SIAH3: variants seen among roughly 807,000 people sequenced by gnomAD.
The protein encoded by SIAH3 is seven in absentia homolog 3.
A neutral mutation model predicts 12.6 loss-of-function variants in SIAH3; 9 were observed. The observed-to-expected ratio is 0.72, with a 90% CI of 0.43 to 1.25. The LOEUF is 1.25. SIAH3 is among the 50% of genes most tolerant of loss of function. The pLI is 0.00. For missense variants in SIAH3, 390 were observed against 365.4 expected, an observed-to-expected ratio of 1.07 and a Z score of -0.55; for synonymous variants, 154 against 151.1, an observed-to-expected ratio of 1.02 and a Z score of -0.14.
chr13:45,799,544 G>A (rs1310340442), intron 1 of SIAH3, among the ~76,000 whole-genome samples: 5 of 152,156 alleles, frequency 3.3e-5, no homozygotes, highest in Non-Finnish European at 7.3e-5. Context: ...GCCTCCAGGA[G>A]GTGGGTATCA....
intron 1 of SIAH3, among the ~76,000 whole-genome samples, chr13:45,788,290 A>T (rs1950534540): frequency 6.6e-6 from 1 of 152,240 alleles, no homozygotes. Context: ...ATGAATTCCA[A>T]TCTTCCCATC....
chr13:45,847,277 C>A (rs1950763563), intron 1 of SIAH3, among the ~76,000 whole-genome samples: 2 of 152,222 alleles, frequency 1.3e-5, no homozygotes, highest in South Asian at 4.1e-4. Flanking sequence ...AATCTCTAGA[C>A]AATGCTCAGG....
intron 1 of SIAH3, among the ~76,000 whole-genome samples, chr13:45,821,983 G>A (rs73472516): frequency 0.085 from 12,893 of 152,206 alleles, 684 homozygotes; most frequent in East Asian, 0.2. Flanking sequence ...ATCAGTGGCC[G>A]TTGTAGGGAA....
At chr13:45,802,261 G>T (rs997354481) in intron 1 of SIAH3, among the ~76,000 whole-genome samples, 1 of 152,168 alleles carries the variant, frequency 6.6e-6, no homozygotes, top group African/African-American at 2.4e-5. Flanking sequence ...AGCCAAGATT[G>T]TGCCACTGCT....
In SIAH3 at chr13:45,795,040, T is replaced by C. The variant is rs1048052644; in HGVS notation, c.136-10983A>G. Among the ~76,000 whole-genome samples, 4 of 152,326 alleles carry C rather than the reference T, an allele frequency of 2.6e-5. No individual in the cohort carries two copies. In the South Asian group the frequency reaches 8.3e-4, roughly 32 times the overall value. On this transcript the variant is annotated intron_variant, in intron 1 of 1. Coordinates refer to ENST00000400405, the MANE Select transcript of SIAH3 (RefSeq NM_198849.3). ...CTCTCCTTTTTTAAAAAAACTTATT[T>C]TGATCTTTCCATAGATAACCAGTAG...
intron 1 of SIAH3, among the ~76,000 whole-genome samples, chr13:45,814,850 G>A (rs1251644977): frequency 6.6e-6 from 1 of 152,072 alleles, no homozygotes; most frequent in Non-Finnish European, 1.5e-5. Context: ...GGCCTCCAGA[G>A]TAGCTGGGAT....
At chr13:45,823,958 A>G (rs547896760) in intron 1 of SIAH3, among the ~76,000 whole-genome samples, 35 of 152,336 alleles carry the variant, frequency 2.3e-4, no homozygotes, top group African/African-American at 8.2e-4. Flanking sequence ...TCAAGGGTAC[A>G]TGTGCAGGCT....
At chr13:45,795,734 A>G (rs1029122423) in intron 1 of SIAH3, among the ~76,000 whole-genome samples, 1 of 152,170 alleles carries the variant, frequency 6.6e-6, no homozygotes, top group African/African-American at 2.4e-5. Context: ...GTTATAATCA[A>G]TACCTGACAA....
At chr13:45,850,608 C>G (rs1950777161) in intron 1 of SIAH3, among the ~76,000 whole-genome samples, 1 of 152,136 alleles carries the variant, frequency 6.6e-6, no homozygotes, top group Admixed American at 6.5e-5. Flanking sequence ...TTCCCCTCCT[C>G]CCTACTACCC....
At chr13:45,826,207 T>A (rs1992008) in intron 1 of SIAH3, among the ~76,000 whole-genome samples, 16,804 of 152,186 alleles carry the variant, frequency 0.11, 1,372 homozygotes, top group African/African-American at 0.22. Flanking sequence ...ATCATTTTCT[T>A]CTTCTCTGGG....
At chr13:45,839,363 C>T (rs1328788210) in intron 1 of SIAH3, among the ~76,000 whole-genome samples, 2 of 151,974 alleles carry the variant, frequency 1.3e-5, no homozygotes, top group African/African-American at 4.8e-5. Flanking sequence ...ATCATATGGC[C>T]CAGATTTGGA....
At chr13:45,810,451 C>T (rs73173790) in intron 1 of SIAH3, among the ~76,000 whole-genome samples, 2,857 of 152,254 alleles carry the variant, frequency 0.019, 25 homozygotes, top group African/African-American at 0.026. Flanking sequence ...ACTCTGCTAC[C>T]GGCAGCTGGT....
intron 1 of SIAH3, among the ~76,000 whole-genome samples, chr13:45,841,064 G>T (rs1019660173): frequency 1.3e-5 from 2 of 152,074 alleles, no homozygotes; most frequent in African/African-American, 4.8e-5. Flanking sequence ...TAACTAATAC[G>T]GTAGAAAACT....
intron 1 of SIAH3, among the ~76,000 whole-genome samples, chr13:45,795,135 T>C (rs1242358618): frequency 1.3e-5 from 2 of 152,202 alleles, no homozygotes; most frequent in African/African-American, 4.8e-5. Context: ...ATTCCAAACA[T>C]GACTCAAACC....
At chr13:45,845,217 A>G (rs1439850038) in intron 1 of SIAH3, among the ~76,000 whole-genome samples, 2 of 149,352 alleles carry the variant, frequency 1.3e-5, no homozygotes. Flanking sequence ...ATTTGACTCC[A>G]GGAAGGTGCA....
At chr13:45,801,099 G>GGA (rs776014825) in intron 1 of SIAH3, among the ~76,000 whole-genome samples, 18 of 125,902 alleles carry the variant, frequency 1.4e-4, no homozygotes, top group Non-Finnish European at 2.4e-4. Flanking sequence ...GGGTGGCGGG[G>GGA]GGGGGCATGG....
At chr13:45,842,613 G>T (rs939539139) in intron 1 of SIAH3, among the ~76,000 whole-genome samples, 1 of 152,178 alleles carries the variant, frequency 6.6e-6, no homozygotes, top group Admixed American at 6.5e-5. Context: ...CTCCCAAACT[G>T]CTGGGATTAT....
At chr13:45,837,941 G>A (rs1352042152) in intron 1 of SIAH3, among the ~76,000 whole-genome samples, 1 of 152,190 alleles carries the variant, frequency 6.6e-6, no homozygotes, top group East Asian at 1.9e-4. Flanking sequence ...TGTCACCCAT[G>A]ATAAATGGGT....
At position 45,778,000 on chromosome 13, in the gene SIAH3, G is replaced by T. The variant is rs1480688015; in HGVS notation, c.*5383C>A. The T allele has an allele frequency of 6.6e-6, 1 of 152,206 alleles. No individual in the cohort carries two copies. Among genetic ancestry groups the T allele is most frequent in the Non-Finnish European group, 1.5e-5 (1 of 68,046 alleles). 9.4% of individuals were successfully genotyped at this position (152,206 alleles called of 1,614,324 possible). ...TTAGAAAGAGTATTGGTCTGGGTAGGCTATGGATTGTGAACAGGGTCCTTA... is the reference window on the plus strand; with the variant it reads ...TTAGAAAGAGTATTGGTCTGGGTAGTCTATGGATTGTGAACAGGGTCCTTA... On this transcript the variant is annotated 3_prime_UTR_variant, in exon 2 of 2. Transcript: ENST00000400405.
Sources: gnomAD v4.1 joint callset for allele counts (sites outside exome capture counted in the v4.1 genomes callset) on GRCh38, gnomAD v4.1.1 for gene constraint, MANE v1.5 for transcripts, NCBI Gene and HGNC (gene_info 2026-07-23, HGNC 2026-07-21) for gene names.